PROKR2: variants seen among roughly 807,000 people sequenced by gnomAD.
The protein encoded by PROKR2 is prokineticin receptor 2, also known as G protein-coupled receptor 73-like 1.
Under a neutral mutation model 23.4 loss-of-function variants are expected in PROKR2, and 26 were observed. That is an observed-to-expected ratio of 1.11 (90% CI 0.81 to 1.54). The LOEUF (loss-of-function observed/expected upper bound fraction) is 1.54. Among genes scored for constraint, PROKR2 ranks in the 40% most tolerant of loss-of-function variants. The pLI, the probability that PROKR2 is intolerant of heterozygous loss-of-function variation, is 0.00. For missense variants in PROKR2, 453 were observed against 511.5 expected, an observed-to-expected ratio of 0.89 and a Z score of 1.10; for synonymous variants, 212 against 201.2, an observed-to-expected ratio of 1.05 and a Z score of -0.45.
In PROKR2 at chr20:5,316,760, G is replaced by T. The variant is rs1044979113; in HGVS notation, c.-275C>A. Among the ~76,000 whole-genome samples, 3 of 152,196 alleles carry T rather than the reference G, an allele frequency of 2.0e-5. No homozygotes were observed. The highest frequency in any genetic ancestry group is 4.4e-5 in the Non-Finnish European group (3 of 68,034). On this transcript the variant is annotated 5_prime_UTR_variant, in exon 1 of 3. Coordinates refer to ENST00000678254, the MANE Select transcript of PROKR2 (RefSeq NM_144773.4). The surrounding 1 kb of genome is among the most constrained non-coding windows in gnomAD (Gnocchi z 5.0). ...CTCGGACCTGTGCGCCCCGCCCCGCGCTGGACTCCGCCCCGGGGTCCCCGC... is the reference window on the plus strand; with the variant it reads ...CTCGGACCTGTGCGCCCCGCCCCGCTCTGGACTCCGCCCCGGGGTCCCCGC...
At chr20:5,303,789 G>A (rs986108269) in intron 2 of PROKR2, among the ~76,000 whole-genome samples, 8 of 152,106 alleles carry the variant, frequency 5.3e-5, no homozygotes, top group Non-Finnish European at 4.4e-5. Context: ...GGAAATGAAC[G>A]TGTACTTCAT....
chr20:5,309,037 G>T (rs1467682627), intron 2 of PROKR2, among the ~76,000 whole-genome samples: 2 of 152,174 alleles, frequency 1.3e-5, no homozygotes, highest in Non-Finnish European at 1.5e-5. Context: ...TATGCACAGT[G>T]GTTGCTGGGG....
chr20:5,313,238 A>G (rs996319626), intron 2 of PROKR2, among the ~76,000 whole-genome samples: 1 of 152,270 alleles, frequency 6.6e-6, no homozygotes, highest in Non-Finnish European at 1.5e-5. Flanking sequence ...TTCTGGAAAT[A>G]TCTCATGCAA....
At chr20:5,312,592 T>C (rs538975195) in intron 2 of PROKR2, among the ~76,000 whole-genome samples, 3 of 152,300 alleles carry the variant, frequency 2.0e-5, no homozygotes, top group African/African-American at 7.2e-5. Flanking sequence ...CCTACACCCG[T>C]CTGTGTATTT....
Position 5,314,331 on chromosome 20 carries a change from G to A in PROKR2, c.39C>T (p.Asn13=). 1.2e-6 allele frequency: 2 copies of A among 1,614,166 alleles called. No homozygotes were observed. The change falls in exon 2 of 3, where the codon AAC becomes AAT. Residue 13 remains asparagine, a synonymous_variant. Coordinates refer to ENST00000678254, the MANE Select transcript of PROKR2 (RefSeq NM_144773.4). ...AGGCATGGTCTTGGGGTGGATTAAA[G>A]TTGGGTGTGAAACTGGTGTTTCCAT... The part of the protein sequence containing the change: ...AQNGNTSFTP[N]FNPPQDHASS...
intron 2 of PROKR2, among the ~76,000 whole-genome samples, 195 bp downstream of exon 2, chr20:5,313,717 G>A (rs957406282): frequency 1.2e-4 from 18 of 152,254 alleles, no homozygotes; most frequent in Non-Finnish European, 2.4e-4. Flanking sequence ...GCATGGCCCA[G>A]AGATGGGCCA....
At position 5,302,599 on chromosome 20, in the gene PROKR2, A is replaced by G; in HGVS notation, c.596T>C (p.Ile199Thr). ...AYFATETVLF[I>T]VKSQEKIFCG... ...GAAGATCTTCTCCTGGCTCTTGACA[A>G]TAAAGAGGACCGTTTCTGTTGCAAA... Residue 199 changes from isoleucine (I) to threonine (T), a missense_variant, in exon 3 of 3, where the codon ATT (isoleucine) becomes ACT (threonine). Physicochemically the swap from Ile to Thr is moderately conservative, Grantham distance 89 (BLOSUM62 -1). Coordinates refer to ENST00000678254, the MANE Select transcript of PROKR2 (RefSeq NM_144773.4). 6.2e-7 allele frequency: 1 copy of G among 1,614,206 alleles called. No homozygotes were observed. Among genetic ancestry groups the G allele is most frequent in the Non-Finnish European group, 8.5e-7 (1 of 1,180,028 alleles).
In PROKR2 at chr20:5,300,021, A is replaced by G. The variant is rs956508138; in HGVS notation, c.*2019T>C. Among the ~76,000 whole-genome samples, 19 of 152,260 alleles carry G rather than the reference A, an allele frequency of 1.2e-4. No individual in the cohort carries two copies. The highest frequency in any genetic ancestry group is 2.1e-4 in the Non-Finnish European group (14 of 68,052). ...GAAACTTCAGTCAGAGAAACAAATC[A>G]ACAAATAATAGAAACAATCAAACAA... On this transcript the variant is annotated 3_prime_UTR_variant, in exon 3 of 3. Coordinates refer to ENST00000678254, the MANE Select transcript of PROKR2 (RefSeq NM_144773.4).
intron 2 of PROKR2, among the ~76,000 whole-genome samples, chr20:5,312,842 T>A (rs1164818979): frequency 6.6e-6 from 1 of 152,284 alleles, no homozygotes; most frequent in Non-Finnish European, 1.5e-5. Flanking sequence ...ATAAACAAAA[T>A]GTGTGTAAGA....
intron 2 of PROKR2, among the ~76,000 whole-genome samples, chr20:5,308,603 G>C (rs1398487744): frequency 1.3e-5 from 2 of 152,156 alleles, no homozygotes; most frequent in East Asian, 3.8e-4. Flanking sequence ...AGCTCTGAAG[G>C]CTGTGAAACC....
chr20:5,314,134 G>A lies in PROKR2; in HGVS notation c.236C>T (p.Thr79Ile), dbSNP rs1437885706. The part of the protein sequence containing the change: ...IGNFVFIAAL[T>I]RYKKLRNLTN... ...GAGGTTGCGCAACTTCTTATAGCGG[G>A]TGAGGGCAGCGATAAAGACAAAGTT... Residue 79 changes from threonine to isoleucine, a missense_variant, in exon 2 of 3, where the codon ACC (threonine) becomes ATC (isoleucine). By Grantham distance (89) the Thr-to-Ile change is moderately conservative. Coordinates refer to ENST00000678254, the MANE Select transcript of PROKR2 (RefSeq NM_144773.4). 6.2e-7 allele frequency: 1 copy of A among 1,614,100 alleles called. No individual in the cohort carries two copies. Among genetic ancestry groups the A allele is most frequent in the African/African-American group, 1.3e-5 (1 of 74,946 alleles).
In PROKR2 at chr20:5,316,417, G is replaced by A. The variant is rs1052963994; in HGVS notation, c.-9+77C>T. 7 of 456,154 alleles carry A rather than the reference G, an allele frequency of 1.5e-5. No individual in the cohort carries two copies. In the Admixed American group the frequency reaches 1.6e-4, roughly 11 times the overall value. 28.3% of individuals were successfully genotyped at this position (456,154 alleles called of 1,614,324 possible). A position where few individuals can be genotyped will look rare whatever the true frequency, so the allele number is the denominator to read the frequency against. The stretch of plus-strand genomic sequence containing the variant: ...GCCGGAATGCCCGAGAAAAAAGTGG[G>A]CGTCAGAGGCCCTTGTCCTAGCGAC... On this transcript the variant is annotated intron_variant, in intron 1 of 2. Coordinates refer to ENST00000678254, the MANE Select transcript of PROKR2 (RefSeq NM_144773.4). The surrounding 1 kb of genome is among the most constrained non-coding windows in gnomAD (Gnocchi z 5.0).
In PROKR2 at chr20:5,313,980, G is replaced by A. The variant is rs144778137; in HGVS notation, c.390C>T (p.Ser130=). ...GGGAGACGGTGCGCAGGTAGTTGAC[G>A]GAGGCACAGAGCACGTGGCCATGCT... ...SWEHGHVLCA[S]VNYLRTVSLY... The change falls in exon 2 of 3, where the codon TCC becomes TCT. Residue 130 remains serine (S), a synonymous_variant. Coordinates refer to ENST00000678254, the MANE Select transcript of PROKR2 (RefSeq NM_144773.4). The A allele has an allele frequency of 9.9e-4, 1,595 of 1,614,092 alleles. 2 individuals carry two copies. Among genetic ancestry groups the A allele is most frequent in the Non-Finnish European group, 1.3e-3 (1,481 of 1,180,034 alleles).
Position 5,314,141 on chromosome 20 carries a change from CAGCGATAA to C in PROKR2, c.221_228del (p.Phe74CysfsTer6). ...CGCAACTTCTTATAGCGGGTGAGGGCAGCGATAAAGACAAAGTTACCGATGCCGCAGAC... is the reference window on the plus strand; with the variant it reads ...CGCAACTTCTTATAGCGGGTGAGGGCAGACAAAGTTACCGATGCCGCAGAC... On this transcript the variant is annotated frameshift_variant, in exon 2 of 3. Coordinates refer to ENST00000678254, the MANE Select transcript of PROKR2 (RefSeq NM_144773.4). LOFTEE classifies it high-confidence loss of function. 6.2e-7 allele frequency: 1 copy of C among 1,614,146 alleles called. No homozygotes were observed.
chr20:5,302,714 AG>A lies in PROKR2; in HGVS notation c.480del (p.Leu161Ter). ...AIDRYLAIVH[P>X]LKPRMNYQTA... ...GTTTGATAATTCATCCGTGGTTTCA[AG>A]GGGTGAACGATGGCGAGATATCTGG... is the stretch of plus-strand genomic sequence containing the variant. On this transcript the variant is annotated frameshift_variant, in exon 3 of 3. Transcript: ENST00000678254. LOFTEE classifies it high-confidence loss of function. 6.2e-7 allele frequency: 1 copy of A among 1,614,018 alleles called. No homozygotes were observed. The highest frequency in any genetic ancestry group is 8.5e-7 in the Non-Finnish European group (1 of 1,179,862).
intron 2 of PROKR2, among the ~76,000 whole-genome samples, chr20:5,311,538 C>G (rs1310794490): frequency 6.6e-6 from 1 of 152,200 alleles, no homozygotes; most frequent in African/African-American, 2.4e-5. Flanking sequence ...GGAATGGGAA[C>G]AGTGCTTACT....
At position 5,300,940 on chromosome 20, in the gene PROKR2, T is replaced by A. The variant is rs1290389335; in HGVS notation, c.*1100A>T. Among the ~76,000 whole-genome samples, 1 of 152,210 alleles carries A rather than the reference T, an allele frequency of 6.6e-6. No homozygotes were observed. The highest frequency in any genetic ancestry group is 2.4e-5 in the African/African-American group (1 of 41,452). ...TCCACCCAAATAAAATGATAAGCTTTCAAGCATCAGTGGGAAAGTGATTTT... is the reference window on the plus strand; with the variant it reads ...TCCACCCAAATAAAATGATAAGCTTACAAGCATCAGTGGGAAAGTGATTTT... On this transcript the variant is annotated 3_prime_UTR_variant, in exon 3 of 3. Coordinates refer to ENST00000678254, the MANE Select transcript of PROKR2 (RefSeq NM_144773.4).
At position 5,299,594 on chromosome 20, in the gene PROKR2, G is replaced by T. The variant is rs1409823712; in HGVS notation, c.*2446C>A. On this transcript the variant is annotated 3_prime_UTR_variant, in exon 3 of 3. Coordinates refer to ENST00000678254, the MANE Select transcript of PROKR2 (RefSeq NM_144773.4). ...TTTGTAAATCAGAATTAACAGTTTT[G>T]CTTAGGCTAATATTATAGTGTGTTT... Among the ~76,000 whole-genome samples the T allele has an allele frequency of 6.6e-6, 1 of 151,662 alleles. No individual in the cohort carries two copies. Among genetic ancestry groups the T allele is most frequent in the African/African-American group, 2.4e-5 (1 of 41,266 alleles).
chr20:5,308,076 C>T (rs949590268), intron 2 of PROKR2, among the ~76,000 whole-genome samples: 2 of 152,138 alleles, frequency 1.3e-5, no homozygotes, highest in Non-Finnish European at 2.9e-5. Flanking sequence ...TGCTGTTTGT[C>T]TTTGTATAGT....
Sources: allele counts gnomAD v4.1 joint callset (sites outside exome capture counted in the v4.1 genomes callset), GRCh38; gene constraint gnomAD v4.1.1; non-coding constraint Gnocchi (gnomAD v3.1); transcripts MANE v1.5; gene names NCBI Gene and HGNC (gene_info 2026-07-23, HGNC 2026-07-21).